The following GRIN2A variants were observed in gnomAD, a reference collection of about 807,000 sequenced individuals.
The protein encoded by GRIN2A is glutamate ionotropic receptor NMDA type subunit 2A.
A neutral mutation model predicts 113.4 loss-of-function variants in GRIN2A; 22 were observed. The ratio of observed to expected loss-of-function variants is 0.19; its 90% CI spans 0.14 to 0.28. GRIN2A has a LOEUF of 0.28. GRIN2A is among the 10% of genes least tolerant of loss of function. The pLI, the probability that GRIN2A is intolerant of heterozygous loss-of-function variation, is 1.00. For missense variants in GRIN2A, 1,502 were observed against 1,887.0 expected (o/e 0.80, Z 3.78); for synonymous variants, 827 against 738.4 (o/e 1.12, Z -1.94).
At chr16:10,007,204 C>A (rs938303126) in intron 2 of GRIN2A, among the ~76,000 whole-genome samples, 2 of 152,172 alleles carry the variant, frequency 1.3e-5, no homozygotes, top group Non-Finnish European at 2.9e-5. Flanking sequence ...TGAGGAACCT[C>A]CATACTGTTA....
chr16:10,112,604 G>T (rs2142151628), intron 2 of GRIN2A: 1 of 771,242 alleles, frequency 1.3e-6, no homozygotes, highest in East Asian at 2.4e-5. Context: ...TGCAGCTCAA[G>T]AAGTACTGGG....
chr16:10,065,456 C>A (rs891614327), intron 2 of GRIN2A, among the ~76,000 whole-genome samples: 37 of 152,342 alleles, frequency 2.4e-4, no homozygotes, highest in African/African-American at 8.7e-4. Context: ...ACCCATCTCT[C>A]TAAGGTCAGA....
At chr16:9,990,550 C>CAT (rs2046086278) in intron 2 of GRIN2A, among the ~76,000 whole-genome samples, 1 of 93,708 alleles carries the variant, frequency 1.1e-5, no homozygotes, top group African/African-American at 3.8e-5. Flanking sequence ...TCTACACGCG[C>CAT]GCGCGCGCGC....
At chr16:9,851,616 T>C (rs2042883838) in intron 4 of GRIN2A, among the ~76,000 whole-genome samples, 1 of 152,230 alleles carries the variant, frequency 6.6e-6, no homozygotes, top group Non-Finnish European at 1.5e-5. Flanking sequence ...TTCTTTCCAT[T>C]TGCCTTGGAA....
chr16:10,179,987 T>C lies in GRIN2A; in HGVS notation c.414+11A>G, dbSNP rs1209208384. 6.2e-7 allele frequency: 1 copy of C among 1,613,592 alleles called. No individual in the cohort carries two copies. The highest frequency in any genetic ancestry group is 1.3e-5 in the African/African-American group (1 of 75,018). On this transcript the variant is annotated intron_variant, in intron 2 of 12. Coordinates refer to ENST00000330684, the MANE Select transcript of GRIN2A (RefSeq NM_001134407.3). ...CCCAGGTCCTGGCAGGGCATCAGTTTCCGGCCTTACCTTGTCAGCCATGAT... is the reference window on the plus strand; with the variant it reads ...CCCAGGTCCTGGCAGGGCATCAGTTCCCGGCCTTACCTTGTCAGCCATGAT...
intron 3 of GRIN2A, among the ~76,000 whole-genome samples, chr16:9,911,524 T>C (rs2044137659): frequency 6.6e-6 from 1 of 152,334 alleles, no homozygotes; most frequent in African/African-American, 2.4e-5. Flanking sequence ...ATAGCAGCCA[T>C]GCCATAGGTT....
Position 10,144,585 on chromosome 16 carries a change from T to C in GRIN2A, c.414+35413A>G, listed in dbSNP as rs2049393407. On this transcript the variant is annotated intron_variant, in intron 2 of 12. Transcript: ENST00000330684. ...TTAGCCCCTTATCAGATATATAATT[T>C]GCAAATATTTTCTCCCATTCTATAG... is the stretch of plus-strand genomic sequence containing the variant. Among the ~76,000 whole-genome samples the C allele has an allele frequency of 2.6e-5, 4 of 152,358 alleles. No individual in the cohort carries two copies. In the South Asian group the frequency reaches 8.3e-4, roughly 32 times the overall value.
At position 9,811,515 on chromosome 16, in the gene GRIN2A, T is replaced by C. The variant is rs182094247; in HGVS notation, c.2168+10749A>G. On this transcript the variant is annotated intron_variant, in intron 10 of 12. Coordinates refer to ENST00000330684, the MANE Select transcript of GRIN2A (RefSeq NM_001134407.3). Reference sequence around the variant, plus strand: ...GGCTCATGCCTGTAATTCCAACACTTTGGGAGGCCGAGACAGGCGGATCAC... The same window carrying C: ...GGCTCATGCCTGTAATTCCAACACTCTGGGAGGCCGAGACAGGCGGATCAC... Among the ~76,000 whole-genome samples, 392 of 152,218 alleles carry C rather than the reference T, an allele frequency of 2.6e-3. 4 individuals carry two copies. The highest frequency in any genetic ancestry group is 6.8e-4 in the Non-Finnish European group (46 of 68,010).
intron 1 of GRIN2A, among the ~76,000 whole-genome samples, chr16:10,181,167 T>TCACACAACTGCAAGTGGGCCCAGGACC (rs59151958): frequency 6.6e-6 from 1 of 151,816 alleles, no homozygotes; most frequent in African/African-American, 2.4e-5. Context: ...GGAGAGTCCT[T>TCACACAACTGCAAGTGGGCCCAGGACC]CACCCCTACA....
At chr16:10,167,770 G>C (rs1204627660) in intron 2 of GRIN2A, among the ~76,000 whole-genome samples, 1 of 152,152 alleles carries the variant, frequency 6.6e-6, no homozygotes, top group South Asian at 2.1e-4. Context: ...CCATCCCATG[G>C]AAAGTTCCAA....
intron 10 of GRIN2A, among the ~76,000 whole-genome samples, chr16:9,821,653 A>G (rs952338254): frequency 2.0e-5 from 3 of 152,198 alleles, no homozygotes; most frequent in African/African-American, 7.2e-5. Context: ...GCTATGAGGT[A>G]TGAGAAACTC....
At chr16:9,780,866 C>G (rs1269353328) in intron 11 of GRIN2A, among the ~76,000 whole-genome samples, 1 of 152,064 alleles carries the variant, frequency 6.6e-6, no homozygotes, top group Admixed American at 6.5e-5. Flanking sequence ...CGTGATATTT[C>G]TTTACAAAAA....
chr16:9,790,344 C>T (rs1902531931), intron 11 of GRIN2A, among the ~76,000 whole-genome samples: 1 of 152,234 alleles, frequency 6.6e-6, no homozygotes, highest in African/African-American at 2.4e-5. Flanking sequence ...CCCAACTCTG[C>T]ACTCCCTCGC....
At position 9,835,935 on chromosome 16, in the gene GRIN2A, C is replaced by A. The variant is rs528869015; in HGVS notation, c.1652-1705G>T. Reference sequence around the variant, plus strand: ...ATATATTAAAAAGCAACAGGTAACACAACTTACTTAAGTAACACAAGATGC... The same window carrying A: ...ATATATTAAAAAGCAACAGGTAACAAAACTTACTTAAGTAACACAAGATGC... On this transcript the variant is annotated intron_variant, in intron 7 of 12. Transcript: ENST00000330684. 3.9e-5 allele frequency among the ~76,000 whole-genome samples: 6 copies of A among 152,298 alleles called. No homozygotes were observed. The South Asian group carries it at 1.2e-3, about 32-fold the overall frequency.
At chr16:9,944,304 A>G (rs2044963318) in intron 2 of GRIN2A, among the ~76,000 whole-genome samples, 1 of 152,148 alleles carries the variant, frequency 6.6e-6, no homozygotes, top group Non-Finnish European at 1.5e-5. Context: ...GTGAGAGGAA[A>G]AGTAAAAACA....
chr16:10,148,994 C>G (rs1285443609), intron 2 of GRIN2A, among the ~76,000 whole-genome samples: 1 of 152,170 alleles, frequency 6.6e-6, no homozygotes, highest in African/African-American at 2.4e-5. Context: ...CATGTTCTCA[C>G]CCATCTGTGG....
intron 2 of GRIN2A, among the ~76,000 whole-genome samples, chr16:10,091,033 A>G (rs778407625): frequency 3.9e-5 from 6 of 152,220 alleles, no homozygotes; most frequent in Non-Finnish European, 8.8e-5. Context: ...AATGGAAAAT[A>G]TGGACAACAC....
At chr16:9,812,625 G>A (rs994036819) in intron 10 of GRIN2A, among the ~76,000 whole-genome samples, 24 of 152,026 alleles carry the variant, frequency 1.6e-4, no homozygotes, top group African/African-American at 4.8e-4. Context: ...GTGACAGAGC[G>A]AGACTCTGTC....
chr16:9,990,008 T>A (rs1472602634), intron 2 of GRIN2A, among the ~76,000 whole-genome samples: 1 of 152,208 alleles, frequency 6.6e-6, no homozygotes, highest in East Asian at 1.9e-4. Context: ...GAATTACCAT[T>A]CTACCCAGCA....
Sources: gnomAD v4.1 joint callset for allele counts (sites outside exome capture counted in the v4.1 genomes callset) on GRCh38, gnomAD v4.1.1 for gene constraint, MANE v1.5 for transcripts, NCBI Gene and HGNC (gene_info 2026-07-23, HGNC 2026-07-21) for gene names.